Variants in FILIP1 observed in about 807,000 individuals in gnomAD.
FILIP1 encodes the protein filamin A interacting protein 1.
Under a neutral mutation model 102.1 loss-of-function variants are expected in FILIP1, and 61 were observed. That is an observed-to-expected ratio of 0.60 (90% CI 0.49 to 0.74). The LOEUF is 0.74. FILIP1 is among the 30% of genes least tolerant of loss of function. FILIP1 has a pLI of 0.00. For synonymous variants in FILIP1, 491 were observed against 526.9 expected (o/e 0.93, Z 0.93); for missense variants, 1,314 against 1,441.2 (o/e 0.91, Z 1.43).
chr6:75,364,240 G>A (rs377730653), intron 2 of FILIP1, among the ~76,000 whole-genome samples: 17 of 152,316 alleles, frequency 1.1e-4, no homozygotes, highest in African/African-American at 3.6e-4. Context: ...GTTGAAGTCA[G>A]GAAGTAGTTT....
chr6:75,307,831 C>T (rs1426456919), downstream of FILIP1, among the ~76,000 whole-genome samples: 3 of 152,000 alleles, frequency 2.0e-5, no homozygotes, highest in African/African-American at 4.8e-5. Context: ...GTCATTTTTT[C>T]CCTTGGCATT....
At chr6:75,433,350 CT>C (rs1338426608) in intron 1 of FILIP1, among the ~76,000 whole-genome samples, 1 of 152,164 alleles carries the variant, frequency 6.6e-6, no homozygotes, top group African/African-American at 2.4e-5. Context: ...TGTTTCCTGA[CT>C]TTTTAATGAT....
rs557386227 is a variant in FILIP1, at chr6:75,418,982, T to C, written c.-6-4004A>G. On this transcript the variant is annotated intron_variant, in intron 1 of 5. Coordinates refer to ENST00000237172, the MANE Select transcript of FILIP1 (RefSeq NM_015687.5). ...TATCTATGGTCCTCTCTCCTTTTCA[T>C]CTGCGTCCCCCCCACCCCCTGCAGC... Among the ~76,000 whole-genome samples the C allele has an allele frequency of 3.3e-5, 5 of 152,200 alleles. No homozygotes were observed. In the East Asian group the frequency reaches 7.7e-4, roughly 24 times the overall value.
chr6:75,307,965 A>C, downstream of FILIP1: 3 of 861,912 alleles, frequency 3.5e-6, no homozygotes, highest in Non-Finnish European at 4.2e-6. Flanking sequence ...ACTTGAATAG[A>C]GCACGAGTCT....
At chr6:75,292,059 A>G (rs990591104) in exon 7 of FILIP1, 1 of 152,252 alleles carries the variant, frequency 6.6e-6, no homozygotes, top group Non-Finnish European at 1.5e-5. Context: ...TATTACATTC[A>G]TATAAAAGAT....
intron 1 of FILIP1, among the ~76,000 whole-genome samples, chr6:75,459,472 A>G (rs554362684): frequency 6.6e-6 from 1 of 152,268 alleles, no homozygotes; most frequent in Non-Finnish European, 1.5e-5. Context: ...TATCCTATTG[A>G]AGATATTGGA....
chr6:75,327,502 C>A (rs1041307800), intron 4 of FILIP1, among the ~76,000 whole-genome samples: 1 of 150,922 alleles, frequency 6.6e-6, no homozygotes, highest in Non-Finnish European at 1.5e-5. Flanking sequence ...ACAGGTAGGG[C>A]AGGATCAGTA....
intron 1 of FILIP1, among the ~76,000 whole-genome samples, chr6:75,479,868 C>CAAAAAAA (rs58566488): frequency 1.2e-4 from 5 of 42,850 alleles, no homozygotes; most frequent in African/African-American, 2.0e-4. Flanking sequence ...AGCTGTATCT[C>CAAAAAAA]AAAAAAAAAA....
At chr6:75,354,607 G>A (rs1356378078) in intron 3 of FILIP1, among the ~76,000 whole-genome samples, 1 of 151,360 alleles carries the variant, frequency 6.6e-6, no homozygotes, top group Non-Finnish European at 1.5e-5. Context: ...AACCATTTTG[G>A]TGGGTGTGTA....
At chr6:75,450,010 T>A (rs1340511005) in intron 1 of FILIP1, among the ~76,000 whole-genome samples, 2 of 152,152 alleles carry the variant, frequency 1.3e-5, no homozygotes, top group Non-Finnish European at 2.9e-5. Flanking sequence ...CATGGCTTAC[T>A]GTACGGCAGC....
At chr6:75,493,222 T>C (rs1780016125) in intron 1 of FILIP1, among the ~76,000 whole-genome samples, 192 bp downstream of exon 1, 1 of 152,194 alleles carries the variant, frequency 6.6e-6, no homozygotes, top group South Asian at 2.1e-4. Context: ...ATTGGTATAA[T>C]TTTGAGGAAG....
rs116626482 is a variant in FILIP1 at position 75,332,201 on chromosome 6, G to T, written c.630-16999C>A. ...TGGGCTCTTCTTTCTCAACCTTAAG[G>T]TTTCTGTTCTTATGTCCTCTCCCCA... On this transcript the variant is annotated intron_variant, in intron 4 of 5. Coordinates refer to ENST00000237172, the MANE Select transcript of FILIP1 (RefSeq NM_015687.5). Among the ~76,000 whole-genome samples, 703 of 152,192 alleles carry T rather than the reference G, an allele frequency of 4.6e-3. 4 individuals carry two copies. Among genetic ancestry groups the T allele is most frequent in the African/African-American group, 0.015 (640 of 41,494 alleles).
rs1430762814 is a variant in FILIP1, at chr6:75,493,767, C to G, written c.-360G>C. On this transcript the variant is annotated 5_prime_UTR_variant, in exon 1 of 6. Transcript: ENST00000237172. ...GAGATTAGGTTTCTCCTCTTCTGCTCCCTTCACAACACTGTCAGAGCAATG... is the reference window on the plus strand; with the variant it reads ...GAGATTAGGTTTCTCCTCTTCTGCTGCCTTCACAACACTGTCAGAGCAATG... 2.0e-5 allele frequency: 3 copies of G among 152,194 alleles called. No homozygotes were observed. Among genetic ancestry groups the G allele is most frequent in the Non-Finnish European group, 4.4e-5 (3 of 68,048 alleles). 9.4% of individuals were successfully genotyped at this position (152,194 alleles called of 1,614,324 possible).
intron 3 of FILIP1, chr6:75,357,434 T>C (rs1048818985): frequency 2.0e-5 from 3 of 152,236 alleles, no homozygotes; most frequent in African/African-American, 7.2e-5. Flanking sequence ...TTGTTTGCAA[T>C]AGCCACAGTT....
At chr6:75,450,124 T>C (rs1778575894) in intron 1 of FILIP1, among the ~76,000 whole-genome samples, 1 of 151,946 alleles carries the variant, frequency 6.6e-6, no homozygotes, top group African/African-American at 2.4e-5. Flanking sequence ...AAATTTTTTT[T>C]GGTAGAGATG....
intron 1 of FILIP1, among the ~76,000 whole-genome samples, chr6:75,478,857 T>G (rs1779563218): frequency 6.6e-6 from 1 of 152,192 alleles, no homozygotes; most frequent in South Asian, 2.1e-4. Context: ...CAAAACAGTT[T>G]AATGAGCCTG....
rs531029917 is a variant in FILIP1 at position 75,441,190 on chromosome 6, G to A, written c.-6-26212C>T. Among the ~76,000 whole-genome samples the A allele has an allele frequency of 2.4e-3, 371 of 151,458 alleles. 3 individuals are homozygous for A. Among genetic ancestry groups the A allele is most frequent in the African/African-American group, 8.5e-3 (351 of 41,256 alleles). On this transcript the variant is annotated intron_variant, in intron 1 of 5. Transcript: ENST00000237172. ...TTAGGGAGTGGTGATGACTCTTAACGAGCATGCTGCCTTCAAGCATCTGTT... is the reference window on the plus strand; with the variant it reads ...TTAGGGAGTGGTGATGACTCTTAACAAGCATGCTGCCTTCAAGCATCTGTT...
intron 4 of FILIP1, among the ~76,000 whole-genome samples, chr6:75,315,790 T>C (rs917838649): frequency 2.0e-5 from 3 of 152,226 alleles, no homozygotes; most frequent in Non-Finnish European, 4.4e-5. Flanking sequence ...ATTATTGCTC[T>C]CCACCTCTGC....
chr6:75,451,195 G>A lies in FILIP1; in HGVS notation c.-6-36217C>T, dbSNP rs566475702. Among the ~76,000 whole-genome samples, 278 of 149,496 alleles carry A rather than the reference G, an allele frequency of 1.9e-3. 3 individuals are homozygous for A. Among genetic ancestry groups the A allele is most frequent in the South Asian group, 0.014 (65 of 4,720 alleles). On this transcript the variant is annotated intron_variant, in intron 1 of 5. Transcript: ENST00000237172. ...ATAAACAGTATAAACAAAATTCAGA[G>A]GCAAATTATAAAATAGAAACATTAT...
Sources: gnomAD v4.1 joint callset for allele counts (sites outside exome capture counted in the v4.1 genomes callset) on GRCh38, gnomAD v4.1.1 for gene constraint, MANE v1.5 for transcripts, NCBI Gene and HGNC (gene_info 2026-07-23, HGNC 2026-07-21) for gene names.